The following RAB3IP variants were observed in gnomAD, a reference collection of about 807,000 sequenced individuals.
The protein encoded by RAB3IP is rab-3A-interacting protein.
RAB3IP carries 36 observed loss-of-function variants against 59.1 expected under a neutral mutation model. The ratio of observed to expected loss-of-function variants is 0.61; its 90% CI spans 0.47 to 0.80. The LOEUF (loss-of-function observed/expected upper bound fraction) is 0.80. Among genes scored for constraint, RAB3IP ranks in the 30% least tolerant of loss-of-function variants. The pLI, the probability that RAB3IP is intolerant of heterozygous loss-of-function variation, is 0.00. For missense variants in RAB3IP, 511 were observed against 536.0 expected, an observed-to-expected ratio of 0.95 and a Z score of 0.46; for synonymous variants, 207 against 191.2, an observed-to-expected ratio of 1.08 and a Z score of -0.68.
In RAB3IP at chr12:69,810,280, C is replaced by T. The variant is rs146541218; in HGVS notation, c.1131-2498C>T. Among the ~76,000 whole-genome samples the T allele has an allele frequency of 4.5e-3, 682 of 152,264 alleles. 5 individuals are homozygous for T. Among genetic ancestry groups the T allele is most frequent in the African/African-American group, 0.016 (654 of 41,554 alleles). On this transcript the variant is annotated intron_variant, in intron 8 of 10. Coordinates refer to ENST00000247833, the MANE Select transcript of RAB3IP (RefSeq NM_022456.5). ...GGAAGTTTTGTCTCAGAGGAGTACC[C>T]GGCAGTGTGAGGTGTCAGTCCGCCC...
At chr12:69,770,965 A>G (rs1473929023) in intron 3 of RAB3IP, among the ~76,000 whole-genome samples, 1 of 152,136 alleles carries the variant, frequency 6.6e-6, no homozygotes, top group Non-Finnish European at 1.5e-5. Context: ...TCTCCCATTT[A>G]AACTAACTTC....
chr12:69,751,633 C>CA (rs1370611933), intron 1 of RAB3IP, among the ~76,000 whole-genome samples: 2 of 152,090 alleles, frequency 1.3e-5, no homozygotes, highest in Non-Finnish European at 2.9e-5. Context: ...CATCTTATAA[C>CA]AAAGTTTCAG....
At chr12:69,751,692 T>C (rs995409068) in intron 1 of RAB3IP, among the ~76,000 whole-genome samples, 2 of 152,168 alleles carry the variant, frequency 1.3e-5, no homozygotes, top group Admixed American at 6.5e-5. Flanking sequence ...AAATAGGTTG[T>C]GACTTTTTTC....
intron 3 of RAB3IP, among the ~76,000 whole-genome samples, chr12:69,778,391 G>T (rs1254812593): frequency 1.1e-5 from 1 of 90,488 alleles, no homozygotes; most frequent in South Asian, 5.0e-4. Context: ...TAATTTGATC[G>T]TCTGAAGCCT....
intron 6 of RAB3IP, chr12:69,796,530 T>C (rs2136234067): frequency 2.0e-6 from 1 of 488,130 alleles, no homozygotes. Context: ...TGAAGAAATG[T>C]GTGTGCTTGT....
At chr12:69,803,652 C>T (rs1195693548) in intron 8 of RAB3IP, among the ~76,000 whole-genome samples, 1 of 152,038 alleles carries the variant, frequency 6.6e-6, no homozygotes, top group East Asian at 1.9e-4. Context: ...CCCCACTCCC[C>T]CAACCCCACA....
chr12:69,808,068 C>T (rs1879767643), intron 8 of RAB3IP, among the ~76,000 whole-genome samples: 1 of 152,196 alleles, frequency 6.6e-6, no homozygotes, highest in South Asian at 2.1e-4. Flanking sequence ...TTGAATGCGT[C>T]CCAGAGATTC....
chr12:69,760,832 C>G (rs970439072), intron 3 of RAB3IP, among the ~76,000 whole-genome samples: 2 of 152,196 alleles, frequency 1.3e-5, no homozygotes, highest in Admixed American at 6.5e-5. Flanking sequence ...TATGAGAGTC[C>G]TCTCTCACTG....
At chr12:69,768,698 G>A (rs1179122176) in intron 3 of RAB3IP, among the ~76,000 whole-genome samples, 5 of 152,170 alleles carry the variant, frequency 3.3e-5, no homozygotes, top group Non-Finnish European at 4.4e-5. Flanking sequence ...AGAAACTGCT[G>A]TGGTAATAGT....
chr12:69,791,430 A>G (rs1041552565), intron 4 of RAB3IP, among the ~76,000 whole-genome samples: 8 of 152,220 alleles, frequency 5.3e-5, no homozygotes, highest in African/African-American at 1.9e-4. Flanking sequence ...CAAACCGTGT[A>G]TCTGATAAGG....
At chr12:69,746,071 C>T (rs560620023) in intron 1 of RAB3IP, among the ~76,000 whole-genome samples, 17 of 152,198 alleles carry the variant, frequency 1.1e-4, no homozygotes, top group African/African-American at 3.6e-4. Context: ...GAATGTTTTC[C>T]ATACGTATAT....
intron 3 of RAB3IP, among the ~76,000 whole-genome samples, chr12:69,780,107 A>G (rs1874424127): frequency 6.6e-6 from 1 of 152,174 alleles, no homozygotes; most frequent in Non-Finnish European, 1.5e-5. Context: ...CAGCCAGGAT[A>G]TACCTAATGA....
chr12:69,803,637 T>C (rs1878746471), intron 8 of RAB3IP, among the ~76,000 whole-genome samples: 1 of 152,024 alleles, frequency 6.6e-6, no homozygotes, highest in Non-Finnish European at 1.5e-5. Flanking sequence ...CCTAATGCTA[T>C]CCCTCCCCAC....
intron 6 of RAB3IP, among the ~76,000 whole-genome samples, chr12:69,797,493 T>C (rs1877666306): frequency 1.3e-5 from 2 of 149,306 alleles, no homozygotes; most frequent in South Asian, 4.2e-4. Context: ...TTTTTTTTTT[T>C]TTTTTTTAAT....
chr12:69,764,656 CTT>C (rs780020081), intron 3 of RAB3IP, among the ~76,000 whole-genome samples: 6 of 143,674 alleles, frequency 4.2e-5, no homozygotes, highest in African/African-American at 2.5e-5. Flanking sequence ...TTTTTAAATA[CTT>C]TTTTTTTTTT....
In RAB3IP at chr12:69,758,756, C is replaced by CTTTT. The variant is rs71437121; in HGVS notation, c.510+2115_510+2118dup. ...TACATGGGCATCTGTGTGTTCATTC[C>CTTTT]TTTTTTTTTTTTTTTTTTTTTTTTT... On this transcript the variant is annotated intron_variant, in intron 3 of 10. Transcript: ENST00000247833. Among the ~76,000 whole-genome samples, 292 of 48,212 alleles carry CTTTT rather than the reference C, an allele frequency of 6.1e-3. 5 individuals are homozygous for CTTTT. The highest frequency in any genetic ancestry group is 0.025 in the Middle Eastern group (1 of 40). 31.6% of individuals were successfully genotyped at this position (48,212 alleles called of 152,430 possible).
At position 69,756,504 on chromosome 12, in the gene RAB3IP, G is replaced by A. The variant is rs1438510839; in HGVS notation, c.351G>A (p.Glu117=). Reference sequence around the variant, plus strand: ...AGGACAACTATAATGCAGAGAGAGAGTTTTTACAGGGTGCTACTATAACAG... The same window carrying A: ...AGGACAACTATAATGCAGAGAGAGAATTTTTACAGGGTGCTACTATAACAG... ...TRKDNYNAER[E]FLQGATITEA... is the part of the protein sequence containing the mutation. Residue 117 remains glutamate (E), a synonymous_variant, in exon 3 of 11, where the codon GAG becomes GAA. Transcript: ENST00000247833. 1 of 1,614,144 alleles carries A rather than the reference G, an allele frequency of 6.2e-7. No individual in the cohort carries two copies. The highest frequency in any genetic ancestry group is 1.7e-5 in the Admixed American group (1 of 60,014).
Position 69,819,254 on chromosome 12 carries a change from G to A in RAB3IP, c.*3808G>A, listed in dbSNP as rs1315913530. On this transcript the variant is annotated 3_prime_UTR_variant, in exon 11 of 11. Coordinates refer to ENST00000247833, the MANE Select transcript of RAB3IP (RefSeq NM_022456.5). ...ATTGTTGAATTGCATTTGAGAGAGA[G>A]GAAAGGAAAGAATTCAGGTCTGAAT... The A allele has an allele frequency of 6.6e-6, 1 of 152,108 alleles. No homozygotes were observed. The highest frequency in any genetic ancestry group is 1.5e-5 in the Non-Finnish European group (1 of 68,040). 9.4% of individuals were successfully genotyped at this position (152,108 alleles called of 1,614,324 possible). A position where few individuals can be genotyped will look rare whatever the true frequency, so the allele number is the denominator to read the frequency against.
chr12:69,738,893 C>G lies in RAB3IP; in HGVS notation c.-164C>G, dbSNP rs887979346. On this transcript the variant is annotated 5_prime_UTR_variant, in exon 1 of 11. Coordinates refer to ENST00000247833, the MANE Select transcript of RAB3IP (RefSeq NM_022456.5). ...AGTCCCGCGTTCCCTCGGCGGCTGC[C>G]GGCGTAGTGAGCCCGCCGCCGTGGA... The G allele has an allele frequency of 3.9e-5, 6 of 152,060 alleles. No homozygotes were observed. The highest frequency in any genetic ancestry group is 3.9e-4 in the Admixed American group (6 of 15,264). 9.4% of individuals were successfully genotyped at this position (152,060 alleles called of 1,614,324 possible). A position where few individuals can be genotyped will look rare whatever the true frequency, so the allele number is the denominator to read the frequency against.
Sources: gnomAD v4.1 joint callset for allele counts (sites outside exome capture counted in the v4.1 genomes callset) on GRCh38, gnomAD v4.1.1 for gene constraint, MANE v1.5 for transcripts, NCBI Gene and HGNC (gene_info 2026-07-23, HGNC 2026-07-21) for gene names.